Variants in EXOC3L2 observed in about 807,000 individuals in gnomAD.
EXOC3L2 encodes the protein exocyst complex component 3-like protein 2.
In EXOC3L2, 17 loss-of-function variants were observed where a neutral mutation model predicts 44.4. That is an observed-to-expected ratio of 0.38 (90% CI 0.26 to 0.57). The LOEUF is 0.57. Ranked by LOEUF, EXOC3L2 falls within the 20% of genes least tolerant of loss-of-function variation. The pLI is 0.65. For synonymous variants in EXOC3L2, 256 were observed against 253.7 expected (o/e 1.01, Z -0.09); for missense variants, 541 against 588.4 (o/e 0.92, Z 0.83).
intron 3 of EXOC3L2, among the ~76,000 whole-genome samples, chr19:45,233,614 T>C (rs1373718181): frequency 2.0e-5 from 3 of 152,156 alleles, no homozygotes; most frequent in African/African-American, 7.2e-5. Context: ...GCTACTAGGA[T>C]TGAAACTGTC....
At chr19:45,243,090 A>G (rs1970143462) in intron 1 of EXOC3L2, among the ~76,000 whole-genome samples, 1 of 152,160 alleles carries the variant, frequency 6.6e-6, no homozygotes, top group East Asian at 1.9e-4. Context: ...TACTATTTGT[A>G]TCTTGCAACT....
chr19:45,223,263 C>T (rs1217550277), intron 8 of EXOC3L2, among the ~76,000 whole-genome samples: 3 of 151,980 alleles, frequency 2.0e-5, no homozygotes, highest in Non-Finnish European at 4.4e-5. Flanking sequence ...TGGTGGCAAC[C>T]GCTATAGCAT....
Position 45,220,122 on chromosome 19 carries a change from G to A in EXOC3L2, c.1720-1803C>T, listed in dbSNP as rs149548393. The stretch of plus-strand genomic sequence containing the variant: ...TGGGAGGCGGAGGTTGCAGTGAGCT[G>A]AGATCAAGCCATTGCACTCCAGCCT... On this transcript the variant is annotated intron_variant, in intron 8 of 11. Transcript: ENST00000413988. 6.4e-3 allele frequency among the ~76,000 whole-genome samples: 968 copies of A among 152,124 alleles called. 12 individuals carry two copies. Among genetic ancestry groups the A allele is most frequent in the African/African-American group, 0.022 (928 of 41,478 alleles).
intron 9 of EXOC3L2, 120 bp from the exon 10 acceptor site, chr19:45,217,803 C>A: frequency 8.2e-7 from 1 of 1,216,688 alleles, no homozygotes; most frequent in Non-Finnish European, 1.1e-6. Flanking sequence ...CCCATGGGCA[C>A]CCTTCCCGTG....
At chr19:45,232,176 T>C (rs1404129661) in intron 3 of EXOC3L2, among the ~76,000 whole-genome samples, 1 of 152,088 alleles carries the variant, frequency 6.6e-6, no homozygotes, top group African/African-American at 2.4e-5. Context: ...GAAGTTCCCT[T>C]TGCACCTATG....
intron 3 of EXOC3L2, among the ~76,000 whole-genome samples, chr19:45,233,881 G>A (rs1464040504): frequency 6.6e-6 from 1 of 152,196 alleles, no homozygotes; most frequent in Non-Finnish European, 1.5e-5. Context: ...GGACTGGAAG[G>A]GTGGACAGCG....
chr19:45,234,846 G>GGTCAGCAGTGC lies in EXOC3L2; in HGVS notation c.524-31_524-21dup. 1 of 391,658 alleles carries GGTCAGCAGTGC rather than the reference G, an allele frequency of 2.6e-6. No homozygotes were observed. Among genetic ancestry groups the GGTCAGCAGTGC allele is most frequent in the East Asian group, 3.6e-5 (1 of 27,560 alleles). 24.3% of individuals were successfully genotyped at this position (391,658 alleles called of 1,614,324 possible). Reference sequence around the variant, plus strand: ...CCAGCACTGCGGGAGCAAAGCGGGAGGTCAGCAGTGCGCGGGGGGGAGGAG... The same window carrying GGTCAGCAGTGC: ...CCAGCACTGCGGGAGCAAAGCGGGAGGTCAGCAGTGCGTCAGCAGTGCGCGGGGGGGAGGAG... On this transcript the variant is annotated intron_variant, in intron 2 of 11. Coordinates refer to ENST00000413988, the MANE Select transcript of EXOC3L2 (RefSeq NM_001382422.1). This position sits in a 1 kb window ranked among gnomAD's most constrained non-coding sequence, Gnocchi z 5.0.
intron 8 of EXOC3L2, among the ~76,000 whole-genome samples, chr19:45,220,211 G>T (rs1394194272): frequency 6.6e-6 from 1 of 152,032 alleles, no homozygotes; most frequent in Non-Finnish European, 1.5e-5. Flanking sequence ...GCTGGGCACA[G>T]TGGCTCATGC....
intron 7 of EXOC3L2, 91 bp from the exon 8 acceptor site, chr19:45,225,004 A>G: frequency 7.4e-7 from 1 of 1,354,012 alleles, no homozygotes; most frequent in East Asian, 2.8e-5. Flanking sequence ...TCAGAGGGGC[A>G]CAGGGGTGAC....
At chr19:45,213,416 C>G in intron 11 of EXOC3L2, 59 bp from the exon 12 acceptor site, 2 of 1,592,676 alleles carry the variant, frequency 1.3e-6, no homozygotes, top group Non-Finnish European at 1.7e-6. Flanking sequence ...ACACACCCAA[C>G]CCAGCCGTGG....
intron 7 of EXOC3L2, among the ~76,000 whole-genome samples, chr19:45,226,408 C>G (rs535108931): frequency 2.6e-5 from 4 of 152,210 alleles, no homozygotes; most frequent in African/African-American, 9.6e-5. Context: ...CCGAGACCAG[C>G]CTGGGCAACA....
chr19:45,217,516 C>T lies in EXOC3L2; in HGVS notation c.1998+12G>A. ...GTTTCTGAAACACCCCCAACCGCGT[C>T]CCGACACTGACCAGCCGCCGGAACA... On this transcript the variant is annotated intron_variant, in intron 10 of 11. Coordinates refer to ENST00000413988, the MANE Select transcript of EXOC3L2 (RefSeq NM_001382422.1). 1 of 1,571,616 alleles carries T rather than the reference C, an allele frequency of 6.4e-7. No individual in the cohort carries two copies. The highest frequency in any genetic ancestry group is 1.4e-5 in the African/African-American group (1 of 71,750).
chr19:45,241,294 T>C (rs143273199), intron 1 of EXOC3L2, among the ~76,000 whole-genome samples: 30,477 of 151,754 alleles, frequency 0.2, 3,618 homozygotes, highest in South Asian at 0.29. Context: ...ATCGAGATCA[T>C]GGTGAAACCT....
intron 1 of EXOC3L2, among the ~76,000 whole-genome samples, 198 bp downstream of exon 1, chr19:45,245,143 C>T (rs1051925965): frequency 8.6e-4 from 131 of 152,088 alleles, no homozygotes; most frequent in African/African-American, 3.0e-3. Flanking sequence ...CTGCACCCTC[C>T]TCTCATTTTC....
intron 8 of EXOC3L2, among the ~76,000 whole-genome samples, chr19:45,223,045 G>A (rs1048270655): frequency 6.6e-6 from 1 of 152,088 alleles, no homozygotes; most frequent in Non-Finnish European, 1.5e-5. Flanking sequence ...TTGAGCCCAG[G>A]AGTTCAAGAC....
intron 8 of EXOC3L2, among the ~76,000 whole-genome samples, chr19:45,220,140 T>A (rs1969881576): frequency 6.6e-6 from 1 of 151,970 alleles, no homozygotes; most frequent in Admixed American, 6.6e-5. Flanking sequence ...GCCATTGCAC[T>A]CCAGCCTCAG....
chr19:45,227,623 G>A, intron 7 of EXOC3L2, 39 bp downstream of exon 7: 1 of 1,559,770 alleles, frequency 6.4e-7, no homozygotes, highest in Non-Finnish European at 8.7e-7. Context: ...CTTCCACCTT[G>A]GATTGGTCCT....
At chr19:45,223,857 G>A (rs1969925313) in intron 8 of EXOC3L2, among the ~76,000 whole-genome samples, 1 of 151,950 alleles carries the variant, frequency 6.6e-6, no homozygotes, top group Non-Finnish European at 1.5e-5. Flanking sequence ...AGCTGGGCGT[G>A]GTGGTGCATG....
In EXOC3L2 at chr19:45,224,719, G is replaced by A. The variant is rs1969936297; in HGVS notation, c.1719+59C>T. ...GGCTAAAAGGAACTGGAGGATGGTGGGGGGCAGCGCTTCCCTGTCCTGGCA... is the reference window on the plus strand; with the variant it reads ...GGCTAAAAGGAACTGGAGGATGGTGAGGGGCAGCGCTTCCCTGTCCTGGCA... On this transcript the variant is annotated intron_variant, in intron 8 of 11. Transcript: ENST00000413988. The A allele has an allele frequency of 1.8e-5, 27 of 1,518,550 alleles. No homozygotes were observed. In the South Asian group the frequency reaches 3.4e-4, roughly 19 times the overall value. The allele number at this position is 1,518,550 out of a possible 1,614,324, so 94.1% of individuals were successfully genotyped here. A position where few individuals can be genotyped will look rare whatever the true frequency, so the allele number is the denominator to read the frequency against.
Sources: allele counts gnomAD v4.1 joint callset (sites outside exome capture counted in the v4.1 genomes callset), GRCh38; gene constraint gnomAD v4.1.1; non-coding constraint Gnocchi (gnomAD v3.1); transcripts MANE v1.5; gene names NCBI Gene and HGNC (gene_info 2026-07-23, HGNC 2026-07-21).